The following PPP6R2 variants were observed in gnomAD, a reference collection of about 807,000 sequenced individuals.
The protein encoded by PPP6R2 is serine/threonine-protein phosphatase 6 regulatory subunit 2.
PPP6R2 carries 62 observed loss-of-function variants against 100.2 expected under a neutral mutation model. The ratio of observed to expected loss-of-function variants is 0.62; its 90% confidence interval spans 0.50 to 0.76. The LOEUF is 0.76. Among genes scored for constraint, PPP6R2 ranks in the 30% least tolerant of loss-of-function variants. The pLI, the probability that PPP6R2 is intolerant of heterozygous loss-of-function variation, is 0.00. For missense variants in PPP6R2, 1,142 were observed against 1,276.3 expected (o/e 0.89, Z 1.60); for synonymous variants, 525 against 514.7 (o/e 1.02, Z -0.27).
chr22:50,443,777 ACCTTTTTGTCCAGCTGGT>A, intron 22 of PPP6R2, 71 bp from the exon 23 acceptor site: 1 of 1,473,280 alleles, frequency 6.8e-7, no homozygotes. Flanking sequence ...GGCCGCCTGG[ACCTTTTTGTCCAGCTGGT>A]CCTTGGGCAT....
chr22:50,380,078 GA>G (rs2052524555), intron 2 of PPP6R2, among the ~76,000 whole-genome samples: 1 of 152,130 alleles, frequency 6.6e-6, no homozygotes, highest in African/African-American at 2.4e-5. Context: ...AATTTATAAG[GA>G]AAAGAGGTTT....
intron 1 of PPP6R2, among the ~76,000 whole-genome samples, chr22:50,370,110 A>G (rs983909367): frequency 4.6e-5 from 7 of 151,778 alleles, no homozygotes; most frequent in Non-Finnish European, 8.8e-5. Context: ...ATTAACATCT[A>G]TGTACCCATC....
At chr22:50,439,388 T>G (rs972354467) in intron 19 of PPP6R2, among the ~76,000 whole-genome samples, 1 of 152,172 alleles carries the variant, frequency 6.6e-6, no homozygotes, top group East Asian at 1.9e-4. Context: ...TGGGTTGCGG[T>G]CCTGGGTAGG....
chr22:50,439,739 T>C lies in PPP6R2; in HGVS notation c.2167T>C (p.Ser723Pro). Residue 723 changes from serine to proline, a missense_variant, in exon 20 of 24, where the codon TCA becomes CCA. By Grantham distance (74) the Ser-to-Pro change is moderately conservative. Transcript: ENST00000612753. Reference protein sequence around the residue: ...WTAVFDEPANSTPTAPGVVRD... With the variant: ...WTAVFDEPANPTPTAPGVVRD... Reference sequence around the variant, plus strand: ...GGCAGTGTTTGATGAGCCAGCGAACTCAACGCCCACAGCCCCAGGAGTGGT... The same window carrying C: ...GGCAGTGTTTGATGAGCCAGCGAACCCAACGCCCACAGCCCCAGGAGTGGT... 6.2e-7 allele frequency: 1 copy of C among 1,612,184 alleles called. No individual in the cohort carries two copies. Among genetic ancestry groups the C allele is most frequent in the Non-Finnish European group, 8.5e-7 (1 of 1,179,088 alleles).
chr22:50,436,711 C>T (rs1403528282), intron 14 of PPP6R2, among the ~76,000 whole-genome samples: 1 of 152,218 alleles, frequency 6.6e-6, no homozygotes, highest in Non-Finnish European at 1.5e-5. Flanking sequence ...GGTCCCTTTC[C>T]TCCCACTCCA....
chr22:50,349,843 C>G (rs1325048917), intron 1 of PPP6R2, among the ~76,000 whole-genome samples: 1 of 150,192 alleles, frequency 6.7e-6, no homozygotes, highest in Non-Finnish European at 1.5e-5. Flanking sequence ...AAAAAAGCAG[C>G]TGGGTGTGGT....
At position 50,423,400 on chromosome 22, in the gene PPP6R2, G is replaced by A; in HGVS notation, c.973-62G>A. On this transcript the variant is annotated intron_variant, in intron 9 of 23. Coordinates refer to ENST00000612753, the MANE Select transcript of PPP6R2 (RefSeq NM_001242898.2). This position sits in a 1 kb window ranked among gnomAD's most constrained non-coding sequence, Gnocchi z 4.8. ...CTAGAGTGATGGGCATGAGCCCAGA[G>A]ACTCCAGCAGTGGCCTCACTGCTCA... 6.3e-7 allele frequency: 1 copy of A among 1,597,000 alleles called. No individual in the cohort carries two copies. The highest frequency in any genetic ancestry group is 8.6e-7 in the Non-Finnish European group (1 of 1,166,842).
intron 2 of PPP6R2, among the ~76,000 whole-genome samples, chr22:50,374,931 A>AAAAG (rs2051137922): frequency 2.1e-5 from 3 of 146,118 alleles, no homozygotes; most frequent in Non-Finnish European, 4.5e-5. Context: ...AAAAAAAAAA[A>AAAAG]GAGAAAAAGA....
intron 1 of PPP6R2, among the ~76,000 whole-genome samples, chr22:50,366,168 T>G (rs2048717428): frequency 6.6e-6 from 1 of 152,140 alleles, no homozygotes; most frequent in Non-Finnish European, 1.5e-5. Flanking sequence ...CCCTAGTAAT[T>G]TTTAGTCTAG....
intron 1 of PPP6R2, among the ~76,000 whole-genome samples, chr22:50,366,819 G>C (rs1175560643): frequency 6.6e-6 from 1 of 152,138 alleles, no homozygotes; most frequent in Non-Finnish European, 1.5e-5. Context: ...GAGACTGCCA[G>C]CCAGCCTCCA....
intron 2 of PPP6R2, among the ~76,000 whole-genome samples, chr22:50,383,674 C>A (rs1312550949): frequency 6.6e-6 from 1 of 152,064 alleles, no homozygotes; most frequent in Non-Finnish European, 1.5e-5. Flanking sequence ...AGACAAGCAG[C>A]CATATGGGGC....
rs1350191410 is a variant in PPP6R2 at position 50,438,165 on chromosome 22, A to G, written c.1840-9A>G. On this transcript the variant is annotated splice_polypyrimidine_tract_variant and intron_variant, in intron 17 of 23. Coordinates refer to ENST00000612753, the MANE Select transcript of PPP6R2 (RefSeq NM_001242898.2). ...CTCTGGAAACTCACCTTGGCGTTTT[A>G]CTCTGCAGCCCAGCGCAGCTCTGTT... is the stretch of plus-strand genomic sequence containing the variant. The G allele has an allele frequency of 6.2e-7, 1 of 1,606,856 alleles. No homozygotes were observed. Among genetic ancestry groups the G allele is most frequent in the Non-Finnish European group, 8.5e-7 (1 of 1,177,094 alleles).
intron 7 of PPP6R2, 138 bp downstream of exon 7, chr22:50,419,117 A>G: frequency 1.3e-6 from 1 of 799,620 alleles, no homozygotes; most frequent in Non-Finnish European, 2.0e-6. Flanking sequence ...TTCAGAGCCC[A>G]TGTTAACTTG....
chr22:50,370,356 C>T (rs916392102), intron 1 of PPP6R2, among the ~76,000 whole-genome samples: 47 of 152,058 alleles, frequency 3.1e-4, no homozygotes, highest in Non-Finnish European at 5.4e-4. Context: ...GGCGCGATCT[C>T]GGCTCACTGC....
chr22:50,333,595 G>T, the PPP6R2 span, among the ~76,000 whole-genome samples: 1 of 152,168 alleles, frequency 6.6e-6, no homozygotes. Flanking sequence ...GCCTCCCAAA[G>T]TGCTGGGATT....
At chr22:50,354,013 C>T (rs2148150767) in intron 1 of PPP6R2, among the ~76,000 whole-genome samples, 1 of 152,158 alleles carries the variant, frequency 6.6e-6, no homozygotes. Flanking sequence ...TTTAGAAAAG[C>T]TGACTGGGAG....
chr22:50,395,205 T>C (rs534868423), intron 3 of PPP6R2, among the ~76,000 whole-genome samples: 2 of 152,214 alleles, frequency 1.3e-5, no homozygotes, highest in East Asian at 3.9e-4. Flanking sequence ...AAATAGATCA[T>C]TGTCATTCGT....
chr22:50,340,755 C>T (rs1045367965), upstream of PPP6R2, among the ~76,000 whole-genome samples: 2 of 149,990 alleles, frequency 1.3e-5, no homozygotes, highest in East Asian at 1.9e-4. Flanking sequence ...CAGCAGCCAA[C>T]GGCGGGAGGT....
chr22:50,352,867 G>C (rs2045634683), intron 1 of PPP6R2, among the ~76,000 whole-genome samples: 1 of 151,978 alleles, frequency 6.6e-6, no homozygotes, highest in Non-Finnish European at 1.5e-5. Context: ...GGGAGTTTGA[G>C]ACCAACCTGA....
Sources: gnomAD v4.1 joint callset for allele counts (sites outside exome capture counted in the v4.1 genomes callset) on GRCh38, gnomAD v4.1.1 for gene constraint, Gnocchi (gnomAD v3.1) non-coding constraint, MANE v1.5 for transcripts, NCBI Gene and HGNC (gene_info 2026-07-23, HGNC 2026-07-21) for gene names.